Variants in TPTE2 observed in about 807,000 individuals in gnomAD.
TPTE2 encodes the protein transmembrane phosphoinositide 3-phosphatase and tensin homolog 2.
Under a neutral mutation model 78.6 loss-of-function variants are expected in TPTE2, and 53 were observed. That is an observed-to-expected ratio of 0.67 (90% CI 0.54 to 0.85). The LOEUF (loss-of-function observed/expected upper bound fraction) is 0.85, where lower values mean the gene tolerates loss of function less well. TPTE2 is among the 40% of genes least tolerant of loss of function. TPTE2 has a pLI of 0.00. For synonymous variants in TPTE2, 175 were observed against 206.2 expected (o/e 0.85, Z 1.30); for missense variants, 461 against 623.0 (o/e 0.74, Z 2.77).
chr13:19,520,626 CT>C (rs2137718640), intron 1 of TPTE2, among the ~76,000 whole-genome samples: 1 of 151,694 alleles, frequency 6.6e-6, no homozygotes, highest in South Asian at 2.1e-4. Context: ...TTATTATATC[CT>C]TGCTTTACTT....
exon 20 of TPTE2, chr13:19,422,923 A>G: frequency 1.1e-6 from 1 of 880,406 alleles, no homozygotes; most frequent in Non-Finnish European, 1.7e-6. Context: ...ATATATAAAC[A>G]TATATAAATA....
intron 15 of TPTE2, among the ~76,000 whole-genome samples, chr13:19,435,791 C>CACACACACAT (rs750778227): frequency 1.5e-3 from 234 of 151,020 alleles, no homozygotes; most frequent in Non-Finnish European, 2.7e-3. Flanking sequence ...CACACACACA[C>CACACACACAT]ACCAGGAGTC....
At chr13:19,540,723 A>C (rs990527268), upstream of TPTE2, among the ~76,000 whole-genome samples, 1 of 152,126 alleles carries the variant, frequency 6.6e-6, no homozygotes, top group Non-Finnish European at 1.5e-5. Context: ...TTTTGATGCT[A>C]CTGTAAATGT....
upstream of TPTE2, among the ~76,000 whole-genome samples, chr13:19,538,222 CT>C (rs913909845): frequency 1.7e-4 from 26 of 150,390 alleles, no homozygotes; most frequent in African/African-American, 4.9e-4. Context: ...TTGCTTCAAA[CT>C]TTTTTTTTTC....
intron 16 of TPTE2, among the ~76,000 whole-genome samples, chr13:19,431,720 T>G (rs7986903): frequency 0.72 from 92,641 of 127,952 alleles, 32,034 homozygotes; most frequent in East Asian, 0.93. Context: ...CAGTGAAATG[T>G]AGAACTAAAC....
At chr13:19,474,163 T>C (rs1282663266) in intron 5 of TPTE2, 88 bp from the exon 9 acceptor site, 3 of 1,237,692 alleles carry the variant, frequency 2.4e-6, no homozygotes, top group African/African-American at 3.3e-5. Context: ...CTATACTATA[T>C]TTAAGCCACT....
intron 1 of TPTE2, among the ~76,000 whole-genome samples, chr13:19,509,563 T>C (rs1398512118): frequency 6.6e-6 from 1 of 152,004 alleles, no homozygotes; most frequent in Admixed American, 6.5e-5. Context: ...TGCAAGAAAA[T>C]ATATTTATAT....
In TPTE2 at chr13:19,535,779, G is replaced by A. The variant is rs138372255; in HGVS notation, c.-44+817C>T. ...CCCAAGTAGCTGGGACTACATACAG[G>A]TGCCTGCCATCATGCCCAGCTATTT... is the stretch of plus-strand genomic sequence containing the variant. On this transcript the variant is annotated intron_variant, in intron 1 of 17. Transcript: ENST00000390680. The surrounding 1 kb of genome is among the most constrained non-coding windows in gnomAD (Gnocchi z 5.1). 0.024 allele frequency among the ~76,000 whole-genome samples: 3,707 copies of A among 152,114 alleles called. 65 individuals carry two copies. Among genetic ancestry groups the A allele is most frequent in the Middle Eastern group, 0.051 (15 of 294 alleles).
At chr13:19,557,739 T>C in the TPTE2 span, among the ~76,000 whole-genome samples, 2 of 152,148 alleles carry the variant, frequency 1.3e-5, no homozygotes, top group African/African-American at 4.8e-5. Context: ...AATATTAAAA[T>C]ATTCAACTAT....
chr13:19,560,553 C>G, the TPTE2 span: 1 of 1,596,820 alleles, frequency 6.3e-7, no homozygotes, highest in East Asian at 2.2e-5. Context: ...CTGGGATGCT[C>G]TTGGCCCAGC....
intron 3 of TPTE2, among the ~76,000 whole-genome samples, chr13:19,483,116 T>C (rs1178153064): frequency 6.6e-6 from 1 of 152,242 alleles, no homozygotes; most frequent in Non-Finnish European, 1.5e-5. Flanking sequence ...AGTCACAGTC[T>C]TTTTGCTGGT....
At chr13:19,426,074 T>A (rs1410694146) in intron 18 of TPTE2, among the ~76,000 whole-genome samples, 1 of 150,572 alleles carries the variant, frequency 6.6e-6, no homozygotes, top group African/African-American at 2.4e-5. Context: ...CTTAATTTTT[T>A]AAAAAAGATG....
intron 1 of TPTE2, among the ~76,000 whole-genome samples, chr13:19,516,908 T>G (rs1017883852): frequency 7.9e-5 from 12 of 152,254 alleles, no homozygotes; most frequent in African/African-American, 2.4e-4. Context: ...TTTTCTATTT[T>G]TATTTGCTGG....
the TPTE2 span, among the ~76,000 whole-genome samples, chr13:19,543,358 GT>G: frequency 0.65 from 91,193 of 139,700 alleles, 31,440 homozygotes; most frequent in East Asian, 0.87. Context: ...CAGCCTCTCT[GT>G]TTTTTTTTTT....
intron 1 of TPTE2, among the ~76,000 whole-genome samples, chr13:19,497,197 C>T (rs1881386057): frequency 6.6e-6 from 1 of 151,036 alleles, no homozygotes; most frequent in African/African-American, 2.4e-5. Context: ...TGAGATCAAA[C>T]TGCAAGGCGG....
At chr13:19,555,803 C>CTTTTTT in the TPTE2 span, among the ~76,000 whole-genome samples, 135 of 81,060 alleles carry the variant, frequency 1.7e-3, 3 homozygotes, top group African/African-American at 4.4e-3. Context: ...CAACAAATTT[C>CTTTTTT]TTTTTTTTTT....
intron 10 of TPTE2, among the ~76,000 whole-genome samples, chr13:19,460,501 C>T (rs1341101400): frequency 6.6e-6 from 1 of 152,178 alleles, no homozygotes; most frequent in African/African-American, 2.4e-5. Context: ...TTCTAATTGG[C>T]CATCTTGCAT....
chr13:19,551,957 T>A, the TPTE2 span, among the ~76,000 whole-genome samples: 9 of 152,204 alleles, frequency 5.9e-5, no homozygotes, highest in Non-Finnish European at 2.9e-5. Context: ...AATATGGATA[T>A]CACAAAAAAT....
Position 19,503,218 on chromosome 13 carries a change from A to G in TPTE2, c.11+6T>C. On this transcript the variant is annotated splice_donor_region_variant and intron_variant, in intron 1 of 19. Transcript: ENST00000400230. Reference sequence around the variant, plus strand: ...ATAAATAAAGACACATGTATGCATAACTCACCTTTCATTCATACGTGCCTC... The same window carrying G: ...ATAAATAAAGACACATGTATGCATAGCTCACCTTTCATTCATACGTGCCTC... The G allele has an allele frequency of 6.2e-7, 1 of 1,613,686 alleles. No homozygotes were observed. Among genetic ancestry groups the G allele is most frequent in the Non-Finnish European group, 8.5e-7 (1 of 1,179,722 alleles).
Sources: gnomAD v4.1 joint callset for allele counts (sites outside exome capture counted in the v4.1 genomes callset) on GRCh38, gnomAD v4.1.1 for gene constraint, Gnocchi (gnomAD v3.1) non-coding constraint, MANE v1.5 for transcripts, NCBI Gene and HGNC (gene_info 2026-07-23, HGNC 2026-07-21) for gene names.